Variants in ADAM18 observed in about 807,000 individuals in gnomAD.
The protein encoded by ADAM18 is ADAM metallopeptidase domain 18.
In ADAM18, 117 loss-of-function variants were observed where a neutral mutation model predicts 94.4. The ratio of observed to expected loss-of-function variants is 1.24; its 90% CI spans 1.07 to 1.45. ADAM18 has a LOEUF of 1.45. Ranked by LOEUF, ADAM18 falls within the 40% of genes most tolerant of loss-of-function variation. The pLI is 0.00. For synonymous variants in ADAM18, 327 were observed against 291.6 expected, an observed-to-expected ratio of 1.12 and a Z score of -1.24; for missense variants, 936 against 880.0, an observed-to-expected ratio of 1.06 and a Z score of -0.81.
intron 6 of ADAM18, among the ~76,000 whole-genome samples, chr8:39,619,904 G>T (rs1819557074): frequency 6.6e-6 from 1 of 151,938 alleles, no homozygotes; most frequent in Non-Finnish European, 1.5e-5. Flanking sequence ...AAATGTATAT[G>T]CAACAAGAGA....
intron 18 of ADAM18, among the ~76,000 whole-genome samples, chr8:39,721,117 A>G (rs1283436978): frequency 2.0e-5 from 3 of 151,490 alleles, no homozygotes; most frequent in Non-Finnish European, 4.4e-5. Flanking sequence ...TCAGAAAACA[A>G]TGTGCATGCA....
chr8:39,604,805 A>G (rs984936955), intron 2 of ADAM18: 2 of 152,200 alleles, frequency 1.3e-5, no homozygotes, highest in Non-Finnish European at 2.9e-5. Flanking sequence ...GGAATGCAAG[A>G]ACAGCCTAAT....
At chr8:39,616,653 A>G (rs1819450368) in intron 6 of ADAM18, among the ~76,000 whole-genome samples, 1 of 152,212 alleles carries the variant, frequency 6.6e-6, no homozygotes, top group African/African-American at 2.4e-5. Context: ...ACAGCAGGGT[A>G]CTGGTAGAAA....
At chr8:39,722,213 GTGTGTATATATATATATATA>G (rs1201150392) in intron 18 of ADAM18, among the ~76,000 whole-genome samples, 429 of 73,346 alleles carry the variant, frequency 5.8e-3, no homozygotes, top group African/African-American at 0.03. Flanking sequence ...GTGTGTGTGT[GTGTGTATATATATATATATA>G]TATATATATA....
At chr8:39,675,442 G>A (rs907137008) in intron 14 of ADAM18, among the ~76,000 whole-genome samples, 1 of 152,106 alleles carries the variant, frequency 6.6e-6, no homozygotes, top group Non-Finnish European at 1.5e-5. Flanking sequence ...CATGCCTCAC[G>A]AAGTTCTCGT....
intron 4 of ADAM18, 83 bp from the exon 5 acceptor site, chr8:39,609,402 A>G (rs1819194586): frequency 1.3e-5 from 12 of 896,770 alleles, no homozygotes; most frequent in South Asian, 4.9e-5. Context: ...ATCTTTTAAT[A>G]TTTTGAATCT....
chr8:39,696,803 A>G (rs1398903413), intron 17 of ADAM18, among the ~76,000 whole-genome samples: 1 of 151,534 alleles, frequency 6.6e-6, no homozygotes, highest in South Asian at 2.1e-4. Flanking sequence ...AGTATAAGTT[A>G]TTCAACTTTA....
At chr8:39,614,575 C>T (rs959910657) in intron 6 of ADAM18, among the ~76,000 whole-genome samples, 1 of 152,084 alleles carries the variant, frequency 6.6e-6, no homozygotes, top group East Asian at 1.9e-4. Flanking sequence ...TTCTTAACAG[C>T]CAGCTAACAA....
chr8:39,724,641 G>A (rs941353942), intron 19 of ADAM18, among the ~76,000 whole-genome samples: 3 of 151,620 alleles, frequency 2.0e-5, no homozygotes, highest in African/African-American at 4.8e-5. Flanking sequence ...TAGTTGTAAG[G>A]CCAATGCTTA....
chr8:39,606,253 A>G, intron 2 of ADAM18, 54 bp from the exon 3 acceptor site: 1 of 998,306 alleles, frequency 1.0e-6, no homozygotes, highest in Non-Finnish European at 1.5e-6. Context: ...ATATTGTTTT[A>G]TTTTATATAT....
chr8:39,598,959 C>T (rs1484138507), intron 2 of ADAM18, among the ~76,000 whole-genome samples: 1 of 151,920 alleles, frequency 6.6e-6, no homozygotes, highest in East Asian at 2.0e-4. Context: ...TCACAGGAAC[C>T]CACCAACACG....
At chr8:39,672,699 C>A (rs1821187607) in intron 14 of ADAM18, among the ~76,000 whole-genome samples, 1 of 152,178 alleles carries the variant, frequency 6.6e-6, no homozygotes. Flanking sequence ...CCCCATAACA[C>A]CTTGTTAACT....
At chr8:39,722,144 T>C (rs1822769037) in intron 18 of ADAM18, among the ~76,000 whole-genome samples, 1 of 147,724 alleles carries the variant, frequency 6.8e-6, no homozygotes, top group South Asian at 2.1e-4. Flanking sequence ...ATATAAAATA[T>C]CTCCTCTCAT....
intron 4 of ADAM18, 22 bp downstream of exon 4, chr8:39,609,142 T>G: frequency 6.8e-7 from 1 of 1,465,686 alleles, no homozygotes; most frequent in Non-Finnish European, 9.4e-7. Context: ...TACCTTATTT[T>G]TTTTGTTAAA....
At chr8:39,717,227 A>T (rs1301981620) in intron 18 of ADAM18, among the ~76,000 whole-genome samples, 1 of 151,696 alleles carries the variant, frequency 6.6e-6, no homozygotes, top group Non-Finnish European at 1.5e-5. Context: ...CTACACATTT[A>T]CACCCTCCTC....
chr8:39,696,771 G>T (rs977488564), intron 17 of ADAM18, among the ~76,000 whole-genome samples: 13 of 151,422 alleles, frequency 8.6e-5, no homozygotes, highest in Non-Finnish European at 1.6e-4. Flanking sequence ...TTGTGGCTTT[G>T]CAGGAAGTTT....
intron 2 of ADAM18, chr8:39,605,700 T>G (rs1819058409): frequency 4.4e-6 from 1 of 227,376 alleles, no homozygotes; most frequent in Non-Finnish European, 8.9e-6. Flanking sequence ...TACTTTTCAT[T>G]TTTATTTTAT....
chr8:39,602,985 T>C (rs1818953072), intron 2 of ADAM18, among the ~76,000 whole-genome samples: 1 of 152,194 alleles, frequency 6.6e-6, no homozygotes, highest in Non-Finnish European at 1.5e-5. Flanking sequence ...CAAGGTGTGA[T>C]GTCTGTATTG....
intron 14 of ADAM18, among the ~76,000 whole-genome samples, chr8:39,674,933 GA>G (rs1413809419): frequency 6.6e-6 from 1 of 152,148 alleles, no homozygotes; most frequent in African/African-American, 2.4e-5. Flanking sequence ...TTTTCTTTAA[GA>G]ATGTTGAATA....
Sources: allele counts gnomAD v4.1 joint callset (sites outside exome capture counted in the v4.1 genomes callset), GRCh38; gene constraint gnomAD v4.1.1; transcripts MANE v1.5; gene names NCBI Gene and HGNC (gene_info 2026-07-23, HGNC 2026-07-21).